ITPRID1: variants seen among roughly 807,000 people sequenced by gnomAD.
The protein encoded by ITPRID1 is ITPR interacting domain containing 1.
ITPRID1 carries 96 observed loss-of-function variants against 95.4 expected under a neutral mutation model. The observed-to-expected ratio is 1.01, with a 90% CI of 0.85 to 1.19. The LOEUF (loss-of-function observed/expected upper bound fraction) is 1.19, where lower values mean the gene tolerates loss of function less well. Among genes scored for constraint, ITPRID1 ranks in the 50% most tolerant of loss-of-function variants. The probability of loss-of-function intolerance (pLI) is 0.00; values close to 1 mark genes in which losing one functional copy is unlikely to be tolerated. For missense variants in ITPRID1, 1,339 were observed against 1,252.9 expected (o/e 1.07, Z -1.04); for synonymous variants, 510 against 453.6 (o/e 1.12, Z -1.58).
intron 1 of ITPRID1, among the ~76,000 whole-genome samples, chr7:31,541,075 T>G (rs1350633153): frequency 6.6e-6 from 1 of 152,194 alleles, no homozygotes; most frequent in African/African-American, 2.4e-5. Flanking sequence ...GTTTCCAAAT[T>G]CTGGAGAAAA....
At chr7:31,565,590 T>G (rs1386375544) in intron 5 of ITPRID1, among the ~76,000 whole-genome samples, 2 of 151,936 alleles carry the variant, frequency 1.3e-5, no homozygotes, top group Non-Finnish European at 2.9e-5. Flanking sequence ...ACAAAAAAAT[T>G]AGCCAGGCGT....
At chr7:31,607,087 CT>C (rs1332524432) in intron 10 of ITPRID1, among the ~76,000 whole-genome samples, 1 of 151,928 alleles carries the variant, frequency 6.6e-6, no homozygotes, top group Non-Finnish European at 1.5e-5. Flanking sequence ...TTGGATAGTC[CT>C]TTTTTTCTAT....
At chr7:31,575,591 T>C (rs1471518702) in intron 8 of ITPRID1, among the ~76,000 whole-genome samples, 11 of 152,184 alleles carry the variant, frequency 7.2e-5, no homozygotes, top group Admixed American at 6.6e-4. Context: ...CTAGAGGGGA[T>C]GCAGTGCAGC....
intron 10 of ITPRID1, among the ~76,000 whole-genome samples, chr7:31,587,156 A>G (rs1406653329): frequency 6.6e-6 from 1 of 152,196 alleles, no homozygotes; most frequent in Non-Finnish European, 1.5e-5. Flanking sequence ...AGGCAGGAGA[A>G]GGAAATAAAG....
At chr7:31,538,382 A>C in intron 1 of ITPRID1, among the ~76,000 whole-genome samples, 1 of 152,200 alleles carries the variant, frequency 6.6e-6, no homozygotes, top group East Asian at 1.9e-4. Context: ...TTTTTACATA[A>C]TGATAGTATA....
chr7:31,563,163 A>G (rs995574655), intron 5 of ITPRID1, among the ~76,000 whole-genome samples: 3 of 152,208 alleles, frequency 2.0e-5, no homozygotes, highest in African/African-American at 7.2e-5. Flanking sequence ...TAAATGAAGG[A>G]GGAATATGGT....
chr7:31,554,217 AT>A (rs1465435933), intron 3 of ITPRID1, among the ~76,000 whole-genome samples: 1 of 151,888 alleles, frequency 6.6e-6, no homozygotes, highest in Non-Finnish European at 1.5e-5. Context: ...TCAGTGGTTT[AT>A]TTTTCTTCTC....
rs1737242980 is a variant in ITPRID1, at chr7:31,654,067, A to C, written c.*1238A>C. 6.6e-6 allele frequency among the ~76,000 whole-genome samples: 1 copy of C among 151,238 alleles called. No individual in the cohort carries two copies. The highest frequency in any genetic ancestry group is 2.1e-4 in the South Asian group (1 of 4,828). ...AAGAGTAAGTCCAAAAAAAAAAAAAAAAAAACCAACAAGCAAATAATTACA... is the reference window on the plus strand; with the variant it reads ...AAGAGTAAGTCCAAAAAAAAAAAAACAAAAACCAACAAGCAAATAATTACA... On this transcript the variant is annotated 3_prime_UTR_variant, in exon 15 of 15. Transcript: ENST00000615280.
rs1306644156 is a variant in ITPRID1 at position 31,519,094 on chromosome 7, T to A, written c.-98+4974T>A. Reference sequence around the variant, plus strand: ...ACTGTGGCAGTGACTTGTCCGAGATTGTATCCTGCAGCGTGCTCTGCAGGT... The same window carrying A: ...ACTGTGGCAGTGACTTGTCCGAGATAGTATCCTGCAGCGTGCTCTGCAGGT... On this transcript the variant is annotated intron_variant, in intron 1 of 14. Coordinates refer to ENST00000615280, the MANE Select transcript of ITPRID1 (RefSeq NM_001257967.3). Among the ~76,000 whole-genome samples the A allele has an allele frequency of 2.6e-5, 4 of 152,308 alleles. No homozygotes were observed. In the South Asian group the frequency reaches 6.2e-4, roughly 24 times the overall value.
At chr7:31,642,310 A>G in intron 11 of ITPRID1, 52 bp downstream of exon 11, 1 of 1,251,504 alleles carries the variant, frequency 8.0e-7, no homozygotes, top group Non-Finnish European at 1.1e-6. Flanking sequence ...ATCCCACTTC[A>G]GCCCTATCAA....
downstream of ITPRID1, among the ~76,000 whole-genome samples, chr7:31,657,095 T>A (rs1008519765): frequency 2.5e-4 from 1 of 3,944 alleles, no homozygotes; most frequent in Non-Finnish European, 5.5e-4. Context: ...TTATATATGA[T>A]ATATATAAAA....
At chr7:31,593,977 C>T (rs1785970570) in intron 10 of ITPRID1, among the ~76,000 whole-genome samples, 1 of 152,122 alleles carries the variant, frequency 6.6e-6, no homozygotes, top group South Asian at 2.1e-4. Flanking sequence ...CTATACACTC[C>T]TTTGTATTAA....
At chr7:31,525,956 G>A (rs986637973) in intron 1 of ITPRID1, among the ~76,000 whole-genome samples, 2 of 151,648 alleles carry the variant, frequency 1.3e-5, no homozygotes, top group Admixed American at 6.6e-5. Context: ...TGGCTCACTG[G>A]GAATGTTAAA....
intron 9 of ITPRID1, 125 bp from the exon 10 acceptor site, chr7:31,583,009 T>G (rs1374679173): frequency 3.3e-6 from 2 of 602,686 alleles, no homozygotes; most frequent in Non-Finnish European, 5.9e-6. Flanking sequence ...AGATTGCAAG[T>G]TATTTGAGTT....
In ITPRID1 at chr7:31,543,569, A is replaced by G. The variant is rs1020070992; in HGVS notation, c.-97-5857A>G. Among the ~76,000 whole-genome samples, 3 of 151,950 alleles carry G rather than the reference A, an allele frequency of 2.0e-5. No homozygotes were observed. In the South Asian group the frequency reaches 6.2e-4, roughly 32 times the overall value. ...TCATATGCGTATTTTCCATTTGTGT[A>G]TCTTCTTTGGTGAGATATCTCTTAT... On this transcript the variant is annotated intron_variant, in intron 1 of 14. Coordinates refer to ENST00000615280, the MANE Select transcript of ITPRID1 (RefSeq NM_001257967.3).
At chr7:31,529,965 G>T (rs2067727) in intron 1 of ITPRID1, 133,251 of 633,374 alleles carry the variant, frequency 0.21, 15,060 homozygotes, top group East Asian at 0.26. Flanking sequence ...CTGCAGCTGT[G>T]TGACTGGGTG....
chr7:31,614,781 C>T (rs1031238303), intron 10 of ITPRID1, among the ~76,000 whole-genome samples: 1 of 152,160 alleles, frequency 6.6e-6, no homozygotes, highest in African/African-American at 2.4e-5. Context: ...ACATCATTGT[C>T]ATCTGGTTTG....
rs1051658634 is a variant in ITPRID1, at chr7:31,656,160, T to A, written c.*3331T>A. ...TTTTGTTAAAACACTGAAAACCTCCTGTCTTGTGTTACCATTATCTGTGTA... is the reference window on the plus strand; with the variant it reads ...TTTTGTTAAAACACTGAAAACCTCCAGTCTTGTGTTACCATTATCTGTGTA... On this transcript the variant is annotated 3_prime_UTR_variant, in exon 15 of 15. Coordinates refer to ENST00000615280, the MANE Select transcript of ITPRID1 (RefSeq NM_001257967.3). 2.9e-6 allele frequency: 1 copy of A among 347,340 alleles called. No individual in the cohort carries two copies. Among genetic ancestry groups the A allele is most frequent in the African/African-American group, 2.2e-5 (1 of 45,012 alleles). 21.5% of individuals were successfully genotyped at this position (347,340 alleles called of 1,614,324 possible). A position where few individuals can be genotyped will look rare whatever the true frequency, so the allele number is the denominator to read the frequency against.
chr7:31,548,429 A>G (rs1321441160), intron 1 of ITPRID1, among the ~76,000 whole-genome samples: 1 of 152,178 alleles, frequency 6.6e-6, no homozygotes, highest in African/African-American at 2.4e-5. Flanking sequence ...CACTATCTTG[A>G]AGACTATAGT....
Sources: gnomAD v4.1 joint callset for allele counts (sites outside exome capture counted in the v4.1 genomes callset) on GRCh38, gnomAD v4.1.1 for gene constraint, MANE v1.5 for transcripts, NCBI Gene and HGNC (gene_info 2026-07-23, HGNC 2026-07-21) for gene names.